P2RY12: variants seen among roughly 807,000 people sequenced by gnomAD.
P2RY12 encodes purinergic receptor P2Y12, also known as P2Y purinoceptor 12.
Under a neutral mutation model 4.5 loss-of-function variants are expected in P2RY12, and 3 were observed. The observed-to-expected ratio is 0.67, with a 90% CI of 0.31 to 1.74. The LOEUF is 1.74. Among genes scored for constraint, P2RY12 ranks in the 40% most tolerant of loss-of-function variants. The pLI is 0.09. For synonymous variants in P2RY12, 148 were observed against 154.1 expected (o/e 0.96, Z 0.29); for missense variants, 356 against 407.8 (o/e 0.87, Z 1.09).
intron 1 of P2RY12, among the ~76,000 whole-genome samples, chr3:151,373,757 AT>A (rs1756475946): frequency 1.3e-5 from 2 of 152,136 alleles, no homozygotes; most frequent in South Asian, 4.1e-4. Context: ...ATCATTTGAC[AT>A]TTTAAAAATA....
chr3:151,365,578 A>G (rs1471092326), intron 1 of P2RY12, among the ~76,000 whole-genome samples: 1 of 152,234 alleles, frequency 6.6e-6, no homozygotes, highest in African/African-American at 2.4e-5. Context: ...TGTAAATCGT[A>G]GCTCAGATTT....
intron 1 of P2RY12, among the ~76,000 whole-genome samples, chr3:151,341,395 A>T (rs1407182048): frequency 6.6e-6 from 1 of 152,062 alleles, no homozygotes; most frequent in South Asian, 2.1e-4. Flanking sequence ...GAATTTAAAT[A>T]TAAACAATTT....
rs121917886 is a variant in P2RY12 at position 151,338,053 on chromosome 3, G to A, written c.793C>T (p.Arg265Trp). 18 of 1,613,918 alleles carry A rather than the reference G, an allele frequency of 1.1e-5. No individual in the cohort carries two copies. The highest frequency in any genetic ancestry group is 5.0e-5 in the Admixed American group (3 of 59,956). The change falls in exon 3 of 3, where the codon CGG becomes TGG. Residue 265 changes from arginine (R) to tryptophan (W), a missense_variant. By Grantham distance (101) the Arg-to-Trp change is moderately radical (BLOSUM62 -3). Transcript: ENST00000302632. ...TCAGCAGTGCAGTCAAAGACATCCC[G>A]GGTTTGGCTCAGGGTGTAAGGAATT... ...ARIPYTLSQT[R>W]DVFDCTAENT...
chr3:151,345,556 C>G (rs992435955), intron 1 of P2RY12, among the ~76,000 whole-genome samples: 4 of 123,816 alleles, frequency 3.2e-5, no homozygotes, highest in Non-Finnish European at 6.6e-5. Context: ...TTGCTCTTGT[C>G]ACCCAGGCTG....
chr3:151,380,960 A>G (rs534323447), intron 1 of P2RY12, among the ~76,000 whole-genome samples: 17 of 152,318 alleles, frequency 1.1e-4, no homozygotes, highest in African/African-American at 3.8e-4. Flanking sequence ...ATGCCAACCA[A>G]GTACACAAGA....
At chr3:151,372,676 A>G in intron 1 of P2RY12, 1 of 1,614,008 alleles carries the variant, frequency 6.2e-7, no homozygotes, top group Non-Finnish European at 8.5e-7. Flanking sequence ...CTGCCTCACA[A>G]AATCCAAAAT....
At chr3:151,379,114 A>G (rs1711750039) in intron 1 of P2RY12, among the ~76,000 whole-genome samples, 1 of 152,214 alleles carries the variant, frequency 6.6e-6, no homozygotes. Flanking sequence ...CCAGCATTGT[A>G]TGTACTGTAT....
chr3:151,358,988 A>G (rs1754286069), intron 1 of P2RY12, among the ~76,000 whole-genome samples: 1 of 152,186 alleles, frequency 6.6e-6, no homozygotes, highest in Non-Finnish European at 1.5e-5. Context: ...ACAAAGGTAT[A>G]TTGCTTGGTG....
chr3:151,356,150 G>A (rs554295104), intron 1 of P2RY12: 89 of 1,093,766 alleles, frequency 8.1e-5, no homozygotes, highest in African/African-American at 7.4e-4. Flanking sequence ...TTGTAATCCT[G>A]GCACTTTGGG....
At chr3:151,368,671 TTTCATGTC>T in intron 1 of P2RY12, among the ~76,000 whole-genome samples, 2 of 77,582 alleles carry the variant, frequency 2.6e-5, no homozygotes, top group Non-Finnish European at 5.1e-5. Flanking sequence ...TTTCATTTCA[TTTCATGTC>T]ATTTCATTTT....
intron 1 of P2RY12, among the ~76,000 whole-genome samples, chr3:151,341,625 G>A (rs1751837024): frequency 1.3e-5 from 2 of 151,210 alleles, no homozygotes; most frequent in African/African-American, 4.9e-5. Flanking sequence ...TGTGCACAAT[G>A]TGCAGGTTAG....
At chr3:151,376,938 T>A (rs1466678517) in intron 1 of P2RY12, 1 of 1,610,720 alleles carries the variant, frequency 6.2e-7, no homozygotes, top group Non-Finnish European at 8.5e-7. Flanking sequence ...CACGTTGATG[T>A]TTGAGGATAA....
intron 1 of P2RY12, chr3:151,378,108 G>A (rs759607385): frequency 1.2e-6 from 2 of 1,611,812 alleles, no homozygotes; most frequent in Non-Finnish European, 1.7e-6. Flanking sequence ...CTGGGGAAGA[G>A]CTGGAGAAGG....
intron 1 of P2RY12, among the ~76,000 whole-genome samples, chr3:151,348,862 G>T (rs962386756): frequency 2.5e-4 from 38 of 152,150 alleles, no homozygotes; most frequent in Admixed American, 7.2e-4. Flanking sequence ...AGTACTCCAG[G>T]TCAAACATTG....
intron 1 of P2RY12, among the ~76,000 whole-genome samples, chr3:151,360,133 C>T (rs1466739322): frequency 1.3e-5 from 2 of 152,062 alleles, no homozygotes; most frequent in East Asian, 1.9e-4. Flanking sequence ...TGTGAATCTG[C>T]GGAGGCAGGG....
chr3:151,372,802 G>A (rs751297766), intron 1 of P2RY12: 73 of 1,548,350 alleles, frequency 4.7e-5, no homozygotes, highest in Middle Eastern at 1.7e-4. Context: ...CTTTGAGTAC[G>A]TAACTCTTCT....
intron 1 of P2RY12, among the ~76,000 whole-genome samples, chr3:151,368,595 ATTT>A (rs1392019802): frequency 3.9e-5 from 2 of 51,390 alleles, no homozygotes; most frequent in African/African-American, 1.1e-4. Flanking sequence ...GATTTATTTT[ATTT>A]TATTTTATTT....
Position 151,338,036 on chromosome 3 carries a change from G to A in P2RY12, c.810C>T (p.Cys270=), listed in dbSNP as rs550299677. Residue 270 remains cysteine (C), a synonymous_variant, in exon 3 of 3, where the codon TGC becomes TGT. Transcript: ENST00000302632. ...TLSQTRDVFD[C]TAENTLFYVK... ...CATAGAACAGAGTATTTTCAGCAGT[G>A]CAGTCAAAGACATCCCGGGTTTGGC... The A allele has an allele frequency of 3.1e-6, 5 of 1,614,110 alleles. No individual in the cohort carries two copies. The South Asian group carries it at 4.4e-5, about 14-fold the overall frequency.
At chr3:151,378,665 T>A (rs1711661236) in intron 1 of P2RY12, among the ~76,000 whole-genome samples, 1 of 152,138 alleles carries the variant, frequency 6.6e-6, no homozygotes, top group South Asian at 2.1e-4. Flanking sequence ...ATTTATTTTA[T>A]GCCCAAGAAA....
Sources: gnomAD v4.1 joint callset for allele counts (sites outside exome capture counted in the v4.1 genomes callset) on GRCh38, gnomAD v4.1.1 for gene constraint, MANE v1.5 for transcripts, NCBI Gene and HGNC (gene_info 2026-07-23, HGNC 2026-07-21) for gene names.